Variants in RGL1 observed in about 807,000 individuals in gnomAD.
RGL1 encodes ral guanine nucleotide dissociation stimulator like 1.
RGL1 carries 24 observed loss-of-function variants against 95.2 expected under a neutral mutation model. That is an observed-to-expected ratio of 0.25 (90% CI 0.18 to 0.35). The LOEUF (loss-of-function observed/expected upper bound fraction) is 0.35. Ranked by LOEUF, RGL1 falls within the 10% of genes least tolerant of loss-of-function variation. RGL1 has a pLI of 1.00. For synonymous variants in RGL1, 329 were observed against 344.9 expected, an observed-to-expected ratio of 0.95 and a Z score of 0.51; for missense variants, 715 against 936.3, an observed-to-expected ratio of 0.76 and a Z score of 3.08.
At chr1:183,695,626 T>A (rs988183520) in intron 1 of RGL1, among the ~76,000 whole-genome samples, 2 of 152,244 alleles carry the variant, frequency 1.3e-5, no homozygotes, top group Non-Finnish European at 2.9e-5. Context: ...TAGAAATGAC[T>A]AGATTGTGTC....
At chr1:183,748,394 CTTTTTTTTTTTTTTTTTTTT>C (rs56920504) in intron 2 of RGL1, among the ~76,000 whole-genome samples, 1 of 69,680 alleles carries the variant, frequency 1.4e-5, no homozygotes, top group African/African-American at 6.6e-5. Context: ...TTCTCTAGTT[CTTTTTTTTTTTTTTTTTTTT>C]TTTTTTTTTG....
intron 3 of RGL1, among the ~76,000 whole-genome samples, chr1:183,852,197 G>C (rs1664863053): frequency 6.6e-6 from 1 of 151,848 alleles, no homozygotes; most frequent in Admixed American, 6.6e-5. Flanking sequence ...TAATAATGTG[G>C]GTTTTCTCAT....
At position 183,771,115 on chromosome 1, in the gene RGL1, A is replaced by G. The variant is rs1201099855; in HGVS notation, c.132+28826A>G. Among the ~76,000 whole-genome samples, 4 of 152,208 alleles carry G rather than the reference A, an allele frequency of 2.6e-5. No homozygotes were observed. The East Asian group carries it at 7.7e-4, about 29-fold the overall frequency. On this transcript the variant is annotated intron_variant, in intron 2 of 18. Transcript: ENST00000304685. ...AAAACTTCTCCAAGAGGATAAAATGAGATAGGACTTATTTCTAGAGTGCTT... is the reference window on the plus strand; with the variant it reads ...AAAACTTCTCCAAGAGGATAAAATGGGATAGGACTTATTTCTAGAGTGCTT...
intron 13 of RGL1, among the ~76,000 whole-genome samples, chr1:183,905,475 A>G (rs1016115543): frequency 9.9e-5 from 15 of 152,222 alleles, no homozygotes; most frequent in African/African-American, 3.1e-4. Flanking sequence ...AATAAGGAAA[A>G]TATAAAGGCA....
intron 3 of RGL1, among the ~76,000 whole-genome samples, chr1:183,850,335 T>G (rs1013162608): frequency 6.6e-6 from 1 of 152,086 alleles, no homozygotes. Flanking sequence ...TTAAAAGTTA[T>G]TTATTAAAAT....
At chr1:183,648,888 A>T in intron 1 of RGL1, 1 of 890,624 alleles carries the variant, frequency 1.1e-6, no homozygotes, top group South Asian at 1.7e-5. Flanking sequence ...ATTAAACCAT[A>T]CTTTCTTTAA....
intron 1 of RGL1, among the ~76,000 whole-genome samples, chr1:183,805,971 CTTT>C (rs751229707): frequency 8.0e-5 from 6 of 74,632 alleles, no homozygotes; most frequent in South Asian, 5.9e-4. Flanking sequence ...CTTTTCTTTT[CTTT>C]TTTTTTTTTT....
chr1:183,738,300 A>C (rs751163311), intron 1 of RGL1, among the ~76,000 whole-genome samples: 3 of 152,146 alleles, frequency 2.0e-5, no homozygotes, highest in Non-Finnish European at 4.4e-5. Context: ...AGATGCCTGT[A>C]ATCCCAGCTA....
At position 183,658,422 on chromosome 1, in the gene RGL1, G is replaced by A. The variant is rs528269265; in HGVS notation, c.-33+21921G>A. The stretch of plus-strand genomic sequence containing the variant: ...GGAGATTATGTCCCGCACCTGGCTC[G>A]GAGGGTCCTACGCCCACGGAGTCTC... On this transcript the variant is annotated intron_variant, in intron 1 of 18. Coordinates refer to the RGL1 transcript ENST00000304685. Among the ~76,000 whole-genome samples the A allele has an allele frequency of 2.2e-4, 33 of 152,322 alleles. No individual in the cohort carries two copies. The East Asian group carries it at 3.3e-3, about 15-fold the overall frequency.
chr1:183,903,194 G>T (rs1369285734), intron 12 of RGL1, among the ~76,000 whole-genome samples: 1 of 152,104 alleles, frequency 6.6e-6, no homozygotes, highest in East Asian at 1.9e-4. Flanking sequence ...AGGGGTTTCT[G>T]ATGAGTAAAT....
At chr1:183,687,158 T>G (rs1205750611) in intron 1 of RGL1, among the ~76,000 whole-genome samples, 2 of 152,198 alleles carry the variant, frequency 1.3e-5, no homozygotes, top group Non-Finnish European at 2.9e-5. Context: ...TACCTTTTTA[T>G]TTTTTTCATT....
chr1:183,804,713 T>G (rs1661172803), upstream of RGL1, among the ~76,000 whole-genome samples: 1 of 152,220 alleles, frequency 6.6e-6, no homozygotes, highest in Non-Finnish European at 1.5e-5. Context: ...TCTGACCTTA[T>G]CCTCTGTCCT....
chr1:183,705,316 G>C (rs893658122), intron 1 of RGL1, among the ~76,000 whole-genome samples: 1 of 152,108 alleles, frequency 6.6e-6, no homozygotes, highest in African/African-American at 2.4e-5. Flanking sequence ...CTAGATAGGT[G>C]ACTGGGGGGG....
At chr1:183,760,331 A>T (rs1398043538) in intron 2 of RGL1, among the ~76,000 whole-genome samples, 1 of 152,190 alleles carries the variant, frequency 6.6e-6, no homozygotes, top group Non-Finnish European at 1.5e-5. Flanking sequence ...TTAAAATAAG[A>T]CATTAATGAA....
rs56920504 is a variant in RGL1 at position 183,748,394 on chromosome 1, C to CTTTTTTTTTTT, written c.132+6124_132+6134dup. Among the ~76,000 whole-genome samples, 19 of 69,718 alleles carry CTTTTTTTTTTT rather than the reference C, an allele frequency of 2.7e-4. 1 individual carries two copies. The highest frequency in any genetic ancestry group is 3.3e-4 in the African/African-American group (5 of 15,086). 45.7% of individuals were successfully genotyped at this position (69,718 alleles called of 152,430 possible). ...TTTGAATTTGTTTGCTTCTCTAGTT[C>CTTTTTTTTTTT]TTTTTTTTTTTTTTTTTTTTTTTTT... On this transcript the variant is annotated intron_variant, in intron 2 of 18. Coordinates refer to the RGL1 transcript ENST00000304685.
chr1:183,917,962 TA>T (rs1669082219), intron 16 of RGL1, among the ~76,000 whole-genome samples: 2 of 152,212 alleles, frequency 1.3e-5, no homozygotes, highest in Admixed American at 1.3e-4. Flanking sequence ...TAGGAGAGGA[TA>T]AGGGCTTGAA....
intron 1 of RGL1, among the ~76,000 whole-genome samples, chr1:183,703,027 G>A (rs867209732): frequency 6.6e-6 from 1 of 152,092 alleles, no homozygotes; most frequent in Non-Finnish European, 1.5e-5. Flanking sequence ...CATGTCTTCC[G>A]GCCAGTTCTC....
chr1:183,859,685 A>G (rs1015482554), intron 3 of RGL1, among the ~76,000 whole-genome samples: 7 of 152,218 alleles, frequency 4.6e-5, no homozygotes, highest in Non-Finnish European at 1.5e-5. Flanking sequence ...AATGGCCTAG[A>G]GAACTAACCC....
chr1:183,753,616 T>C (rs1658161354), intron 2 of RGL1, among the ~76,000 whole-genome samples: 1 of 152,204 alleles, frequency 6.6e-6, no homozygotes, highest in African/African-American at 2.4e-5. Context: ...TTGGGAAACT[T>C]GCCATTTTAT....
Sources: allele counts gnomAD v4.1 joint callset (sites outside exome capture counted in the v4.1 genomes callset), GRCh38; gene constraint gnomAD v4.1.1; transcripts MANE v1.5; gene names NCBI Gene and HGNC (gene_info 2026-07-23, HGNC 2026-07-21).